The following SLC9A9 variants were observed in gnomAD, a reference collection of about 807,000 sequenced individuals.
The protein encoded by SLC9A9 is solute carrier family 9 member A9, also known as sodium/hydrogen exchanger 9.
SLC9A9 carries 62 observed loss-of-function variants against 77.8 expected under a neutral mutation model. The observed-to-expected ratio is 0.80, with a 90% CI of 0.65 to 0.98. SLC9A9 has a LOEUF of 0.98. Ranked by LOEUF, SLC9A9 falls within the 50% of genes least tolerant of loss-of-function variation. The pLI is 0.00. For synonymous variants in SLC9A9, 320 were observed against 283.5 expected, an observed-to-expected ratio of 1.13 and a Z score of -1.29; for missense variants, 775 against 774.9, an observed-to-expected ratio of 1.00 and a Z score of 0.00.
chr3:143,543,005 C>G (rs2036713123), intron 9 of SLC9A9, among the ~76,000 whole-genome samples: 1 of 152,188 alleles, frequency 6.6e-6, no homozygotes, highest in South Asian at 2.1e-4. Context: ...CTGGAAGTCA[C>G]TTACCATGTT....
intron 4 of SLC9A9, among the ~76,000 whole-genome samples, chr3:143,712,114 T>C (rs1934212489): frequency 6.6e-6 from 1 of 152,192 alleles, no homozygotes; most frequent in Non-Finnish European, 1.5e-5. Context: ...CCCCATTTGA[T>C]TTGAGTTGAG....
chr3:143,529,222 C>G (rs2036462269), intron 9 of SLC9A9, among the ~76,000 whole-genome samples: 1 of 152,168 alleles, frequency 6.6e-6, no homozygotes. Context: ...ATCTTATGAT[C>G]AGAACCGCAA....
intron 1 of SLC9A9, among the ~76,000 whole-genome samples, chr3:143,840,200 G>T (rs1208648396): frequency 6.6e-6 from 1 of 151,978 alleles, no homozygotes; most frequent in Non-Finnish European, 1.5e-5. Context: ...GATGGTGCTG[G>T]TCAGGAAACA....
At chr3:143,327,927 C>A (rs2031651479) in intron 14 of SLC9A9, among the ~76,000 whole-genome samples, 1 of 152,194 alleles carries the variant, frequency 6.6e-6, no homozygotes, top group South Asian at 2.1e-4. Context: ...TTATGTTCCA[C>A]TAGAAGTTGC....
intron 9 of SLC9A9, among the ~76,000 whole-genome samples, chr3:143,522,747 C>T (rs887178890): frequency 6.6e-6 from 1 of 152,150 alleles, no homozygotes; most frequent in African/African-American, 2.4e-5. Context: ...GCCCTTGTAT[C>T]TACCTATACT....
chr3:143,805,123 C>T (rs2008675812), intron 2 of SLC9A9, among the ~76,000 whole-genome samples: 1 of 152,180 alleles, frequency 6.6e-6, no homozygotes, highest in Admixed American at 6.5e-5. Context: ...AATTGGATGT[C>T]CTGGGTCCTC....
intron 4 of SLC9A9, among the ~76,000 whole-genome samples, chr3:143,711,191 T>A (rs999140491): frequency 1.3e-5 from 2 of 152,224 alleles, no homozygotes; most frequent in African/African-American, 4.8e-5. Flanking sequence ...GAGCTTCAAC[T>A]GGTCTGTTTT....
intron 6 of SLC9A9, among the ~76,000 whole-genome samples, chr3:143,651,834 AT>A (rs2108748241): frequency 6.6e-6 from 1 of 152,356 alleles, no homozygotes; most frequent in African/African-American, 2.4e-5. Context: ...AATAAAGAGT[AT>A]TCTGACCCTT....
At chr3:143,719,923 G>A (rs1934453613) in intron 4 of SLC9A9, among the ~76,000 whole-genome samples, 2 of 152,058 alleles carry the variant, frequency 1.3e-5, no homozygotes, top group Admixed American at 6.6e-5. Context: ...CTTCCTCCTG[G>A]AAAACTGCTC....
intron 9 of SLC9A9, among the ~76,000 whole-genome samples, chr3:143,496,344 G>A (rs2035833190): frequency 6.6e-6 from 1 of 152,204 alleles, no homozygotes; most frequent in East Asian, 1.9e-4. Flanking sequence ...TCATTTGGAA[G>A]TTTCTGAGAC....
intron 4 of SLC9A9, among the ~76,000 whole-genome samples, chr3:143,776,887 T>C (rs2108844029): frequency 6.6e-6 from 1 of 152,336 alleles, no homozygotes; most frequent in South Asian, 2.1e-4. Flanking sequence ...TAAAAGATTA[T>C]AAATTGTGAA....
intron 2 of SLC9A9, among the ~76,000 whole-genome samples, chr3:143,819,035 T>G (rs1417862439): frequency 1.3e-5 from 2 of 152,078 alleles, no homozygotes; most frequent in Non-Finnish European, 2.9e-5. Context: ...TGAGCCAAGA[T>G]CGCACCGTTG....
At chr3:143,778,354 G>C (rs951726212) in intron 4 of SLC9A9, among the ~76,000 whole-genome samples, 1 of 152,148 alleles carries the variant, frequency 6.6e-6, no homozygotes, top group African/African-American at 2.4e-5. Flanking sequence ...CTCAAAATAT[G>C]CTTCAACTAT....
intron 12 of SLC9A9, among the ~76,000 whole-genome samples, chr3:143,393,977 A>G (rs1402272514): frequency 6.6e-6 from 1 of 152,118 alleles, no homozygotes; most frequent in Non-Finnish European, 1.5e-5. Context: ...CCAACCAAAA[A>G]AAGTCCAGGA....
intron 5 of SLC9A9, among the ~76,000 whole-genome samples, chr3:143,678,678 A>G (rs1220752739): frequency 6.6e-6 from 1 of 152,170 alleles, no homozygotes; most frequent in Non-Finnish European, 1.5e-5. Context: ...ATTTGATTAT[A>G]ATGGCATTGT....
intron 13 of SLC9A9, among the ~76,000 whole-genome samples, chr3:143,381,663 G>A (rs2033306996): frequency 6.6e-6 from 1 of 152,198 alleles, no homozygotes; most frequent in Non-Finnish European, 1.5e-5. Flanking sequence ...TAAATGAGAA[G>A]CTATCCAGGA....
chr3:143,624,419 G>T (rs1461796815), intron 6 of SLC9A9, among the ~76,000 whole-genome samples: 1 of 152,162 alleles, frequency 6.6e-6, no homozygotes, highest in Admixed American at 6.5e-5. Context: ...TATTCACCAT[G>T]ATCAAGTGGG....
intron 4 of SLC9A9, among the ~76,000 whole-genome samples, chr3:143,788,364 G>A (rs925731787): frequency 2.0e-5 from 3 of 152,096 alleles, no homozygotes; most frequent in Non-Finnish European, 4.4e-5. Context: ...AAATTTGACA[G>A]CATTAAAATC....
Position 143,740,277 on chromosome 3 carries a change from T to C in SLC9A9, c.534-46970A>G, listed in dbSNP as rs1935045165. Among the ~76,000 whole-genome samples, 4 of 152,186 alleles carry C rather than the reference T, an allele frequency of 2.6e-5. No individual in the cohort carries two copies. The South Asian group carries it at 6.2e-4, about 24-fold the overall frequency. ...ATATATATATAGCCAAATTATTGTT[T>C]TGAAATGCCAAGAATGTTGGAGGTT... On this transcript the variant is annotated intron_variant, in intron 4 of 15. Coordinates refer to ENST00000316549, the MANE Select transcript of SLC9A9 (RefSeq NM_173653.4).
Sources: allele counts gnomAD v4.1 joint callset (sites outside exome capture counted in the v4.1 genomes callset), GRCh38; gene constraint gnomAD v4.1.1; transcripts MANE v1.5; gene names NCBI Gene and HGNC (gene_info 2026-07-23, HGNC 2026-07-21).